The following PSMA1 variants were observed in gnomAD, a reference collection of about 807,000 sequenced individuals.
PSMA1 encodes proteasome 20S subunit alpha 1.
PSMA1 carries 3 observed loss-of-function variants against 38.4 expected under a neutral mutation model. The ratio of observed to expected loss-of-function variants is 0.08; its 90% confidence interval spans 0.04 to 0.20. The LOEUF (loss-of-function observed/expected upper bound fraction) is 0.20, where lower values mean the gene tolerates loss of function less well. Ranked by LOEUF, PSMA1 falls within the 10% of genes least tolerant of loss-of-function variation. The pLI, the probability that PSMA1 is intolerant of heterozygous loss-of-function variation, is 1.00. For missense variants in PSMA1, 227 were observed against 325.3 expected (o/e 0.70, Z 2.32); for synonymous variants, 101 against 107.1 (o/e 0.94, Z 0.35).
intron 5 of PSMA1, 61 bp from the exon 6 acceptor site, chr11:14,513,948 T>C: frequency 6.7e-7 from 1 of 1,491,418 alleles, no homozygotes; most frequent in South Asian, 1.4e-5. Context: ...ATTTTCAAAT[T>C]ATACATTATT....
intron 2 of PSMA1, among the ~76,000 whole-genome samples, chr11:14,582,026 G>T (rs1852287482): frequency 1.3e-5 from 2 of 152,150 alleles, no homozygotes; most frequent in African/African-American, 4.8e-5. Context: ...ACTGCTGAGT[G>T]AGCAGAAAAC....
intron 4 of PSMA1, 40 bp downstream of exon 4, chr11:14,517,602 T>C (rs1851450665): frequency 7.0e-7 from 1 of 1,433,666 alleles, no homozygotes; most frequent in Non-Finnish European, 9.4e-7. Context: ...TAATCAATTA[T>C]GAAACAAAAA....
chr11:14,633,871 G>T, intron 1 of PSMA1, among the ~76,000 whole-genome samples: 1 of 152,204 alleles, frequency 6.6e-6, no homozygotes, highest in East Asian at 1.9e-4. Context: ...TCGGAAAAGC[G>T]CAGTATTAGG....
At chr11:14,564,821 C>T (rs1021877498) in intron 2 of PSMA1, among the ~76,000 whole-genome samples, 22 of 151,430 alleles carry the variant, frequency 1.5e-4, no homozygotes, top group African/African-American at 5.3e-4. Flanking sequence ...CTCTGTTGCC[C>T]AGGCTGGAAT....
intron 1 of PSMA1, among the ~76,000 whole-genome samples, chr11:14,638,543 CTCTATATATATATATATATATATATATA>C (rs1247541660): frequency 2.3e-4 from 3 of 13,320 alleles, no homozygotes; most frequent in East Asian, 1.6e-3. Context: ...CTCTCTCTCT[CTCTATATATATATATATATATATATATA>C]TATATATATA....
intron 8 of PSMA1, 59 bp from the exon 9 acceptor site, chr11:14,507,825 G>A (rs781413959): frequency 4.6e-4 from 518 of 1,120,794 alleles, no homozygotes; most frequent in Non-Finnish European, 2.9e-4. Context: ...AAATACATAC[G>A]ATAAAATATT....
At chr11:14,603,158 C>T (rs570229726) in intron 2 of PSMA1, among the ~76,000 whole-genome samples, 1 of 152,314 alleles carries the variant, frequency 6.6e-6, no homozygotes, top group East Asian at 1.9e-4. Flanking sequence ...CCCTCTTATT[C>T]CTCTCACTGT....
intron 1 of PSMA1, among the ~76,000 whole-genome samples, chr11:14,640,391 T>C (rs1347495703): frequency 2.0e-5 from 3 of 152,228 alleles, no homozygotes; most frequent in Non-Finnish European, 2.9e-5. Context: ...CAACAGTTCT[T>C]AATCACATAT....
At chr11:14,513,459 A>T in intron 7 of PSMA1, 111 bp downstream of exon 7, 1 of 1,163,608 alleles carries the variant, frequency 8.6e-7, no homozygotes, top group Non-Finnish European at 1.1e-6. Flanking sequence ...TTTTTAAAAA[A>T]ATTCTTTCTA....
rs538130573 is a variant in PSMA1, at chr11:14,642,518, A to G, written c.-166+937T>C. On this transcript the variant is annotated intron_variant, in intron 1 of 10. Coordinates refer to the PSMA1 transcript ENST00000418988. ...TTTGCTATGCATGTGAACTATGACC[A>G]TATACGAAAATGGTCTGTTTTAGGT... Among the ~76,000 whole-genome samples, 4 of 152,328 alleles carry G rather than the reference A, an allele frequency of 2.6e-5. No homozygotes were observed. The East Asian group carries it at 7.7e-4, about 29-fold the overall frequency.
At chr11:14,634,955 T>C (rs1322319185) in intron 1 of PSMA1, among the ~76,000 whole-genome samples, 1 of 152,244 alleles carries the variant, frequency 6.6e-6, no homozygotes, top group Non-Finnish European at 1.5e-5. Context: ...ACAGTTTATT[T>C]TGAAACCATT....
At chr11:14,588,716 T>A (rs1376878395) in intron 2 of PSMA1, among the ~76,000 whole-genome samples, 1 of 152,224 alleles carries the variant, frequency 6.6e-6, no homozygotes, top group African/African-American at 2.4e-5. Flanking sequence ...TATTTTTTAA[T>A]GTATTTAGAA....
chr11:14,573,420 T>C (rs550073170), intron 2 of PSMA1, among the ~76,000 whole-genome samples: 1 of 152,332 alleles, frequency 6.6e-6, no homozygotes, highest in South Asian at 2.1e-4. Context: ...ACCACATGAT[T>C]ATCTCAATAG....
At chr11:14,613,727 T>C (rs997318170) in intron 1 of PSMA1, among the ~76,000 whole-genome samples, 12 of 152,188 alleles carry the variant, frequency 7.9e-5, no homozygotes, top group Admixed American at 2.6e-4. Context: ...AGCAAAGAAC[T>C]GGAAGAACAG....
intron 1 of PSMA1, among the ~76,000 whole-genome samples, chr11:14,638,545 CTATATATATATATATATATATATATA>C (rs1243564648): frequency 1.7e-3 from 27 of 15,958 alleles, no homozygotes; most frequent in East Asian, 6.3e-3. Context: ...CTCTCTCTCT[CTATATATATATATATATATATATATA>C]TATATATATA....
At chr11:14,592,207 C>T (rs973191503) in intron 2 of PSMA1, among the ~76,000 whole-genome samples, 12 of 152,030 alleles carry the variant, frequency 7.9e-5, no homozygotes, top group Admixed American at 2.0e-4. Flanking sequence ...TAACACTCAC[C>T]GCGAGGGTCC....
chr11:14,562,948 C>G (rs998306938), intron 2 of PSMA1, among the ~76,000 whole-genome samples: 1 of 152,224 alleles, frequency 6.6e-6, no homozygotes, highest in East Asian at 1.9e-4. Flanking sequence ...ATTATCATTG[C>G]ATTAAATCTA....
intron 2 of PSMA1, among the ~76,000 whole-genome samples, chr11:14,582,127 A>G (rs1426450484): frequency 1.3e-5 from 2 of 152,220 alleles, no homozygotes; most frequent in African/African-American, 2.4e-5. Context: ...ATTTTATGGA[A>G]CTGAAAGCCT....
intron 4 of PSMA1, among the ~76,000 whole-genome samples, chr11:14,514,696 A>G (rs1589979037): frequency 6.6e-6 from 1 of 152,334 alleles, no homozygotes; most frequent in East Asian, 1.9e-4. Context: ...AAAAAGACTG[A>G]AACATTTTTT....
Sources: gnomAD v4.1 joint callset for allele counts (sites outside exome capture counted in the v4.1 genomes callset) on GRCh38, gnomAD v4.1.1 for gene constraint, MANE v1.5 for transcripts, NCBI Gene and HGNC (gene_info 2026-07-23, HGNC 2026-07-21) for gene names.